The following EBF1 variants were observed in gnomAD, a reference collection of about 807,000 sequenced individuals.
EBF1 encodes the protein transcription factor COE1.
Under a neutral mutation model 68.4 loss-of-function variants are expected in EBF1, and 10 were observed. The observed-to-expected ratio is 0.15, with a 90% CI of 0.09 to 0.25. EBF1 has a LOEUF of 0.25. Ranked by LOEUF, EBF1 falls within the 10% of genes least tolerant of loss-of-function variation. The pLI is 1.00. For synonymous variants in EBF1, 298 were observed against 299.8 expected, an observed-to-expected ratio of 0.99 and a Z score of 0.06; for missense variants, 509 against 794.4, an observed-to-expected ratio of 0.64 and a Z score of 4.32.
At chr5:158,948,129 C>T (rs1306349884) in intron 6 of EBF1, among the ~76,000 whole-genome samples, 1 of 152,112 alleles carries the variant, frequency 6.6e-6, no homozygotes, top group Non-Finnish European at 1.5e-5. Context: ...TTTCCTGCAT[C>T]GGGGTGGAGG....
chr5:158,718,472 T>C (rs1170667290), intron 11 of EBF1, among the ~76,000 whole-genome samples: 2 of 152,164 alleles, frequency 1.3e-5, no homozygotes, highest in Non-Finnish European at 2.9e-5. Flanking sequence ...CTCTCCATCC[T>C]CTGAAGCCTC....
At chr5:158,956,228 G>C (rs1215412359) in intron 6 of EBF1, among the ~76,000 whole-genome samples, 1 of 152,064 alleles carries the variant, frequency 6.6e-6, no homozygotes, top group Non-Finnish European at 1.5e-5. Context: ...GTGTGTCACA[G>C]GCTTTTCAGA....
chr5:158,805,472 C>A (rs1261503618), intron 8 of EBF1, among the ~76,000 whole-genome samples: 2 of 152,088 alleles, frequency 1.3e-5, no homozygotes, highest in Non-Finnish European at 2.9e-5. Context: ...GAATTTTTAG[C>A]CTCCTTATGT....
chr5:158,958,852 T>C (rs1366279859), intron 6 of EBF1, among the ~76,000 whole-genome samples: 1 of 152,078 alleles, frequency 6.6e-6, no homozygotes, highest in Non-Finnish European at 1.5e-5. Flanking sequence ...GCCGTGCATA[T>C]TTTAAACCAT....
intron 11 of EBF1, among the ~76,000 whole-genome samples, chr5:158,717,414 A>G (rs1026305749): frequency 1.3e-5 from 2 of 152,196 alleles, no homozygotes; most frequent in Non-Finnish European, 2.9e-5. Flanking sequence ...GGCATTAGGC[A>G]GGAGCACAGT....
chr5:158,947,390 A>T (rs1357505448), intron 6 of EBF1, among the ~76,000 whole-genome samples: 1 of 152,228 alleles, frequency 6.6e-6, no homozygotes, highest in Non-Finnish European at 1.5e-5. Flanking sequence ...TATCTGGGCC[A>T]GATAGCACCA....
At chr5:158,869,067 T>C (rs921208116) in intron 6 of EBF1, among the ~76,000 whole-genome samples, 32 of 152,144 alleles carry the variant, frequency 2.1e-4, no homozygotes, top group African/African-American at 7.5e-4. Context: ...TTTTCTGCAG[T>C]GTGTCACAGG....
In EBF1 at chr5:158,770,540, C is replaced by T. The variant is rs565551885; in HGVS notation, c.1036+6873G>A. On this transcript the variant is annotated intron_variant, in intron 10 of 15. Coordinates refer to ENST00000313708, the MANE Select transcript of EBF1 (RefSeq NM_024007.5). ...CCCATGGCTTATAAAGTTTTGCATA[C>T]CCTTGTCCCTGACTACTTCTCGCAG... 1.2e-4 allele frequency among the ~76,000 whole-genome samples: 18 copies of T among 152,232 alleles called. No homozygotes were observed. The South Asian group carries it at 3.5e-3, about 30-fold the overall frequency.
intron 6 of EBF1, among the ~76,000 whole-genome samples, chr5:158,955,874 C>T (rs1166874529): frequency 6.6e-6 from 1 of 152,152 alleles, no homozygotes; most frequent in Non-Finnish European, 1.5e-5. Flanking sequence ...GGAAGAGTAG[C>T]AAAGAGTTGC....
rs574490433 is a variant in EBF1 at position 158,768,668 on chromosome 5, A to T, written c.1036+8745T>A. Among the ~76,000 whole-genome samples, 6 of 152,290 alleles carry T rather than the reference A, an allele frequency of 3.9e-5. No individual in the cohort carries two copies. The East Asian group carries it at 1.2e-3, about 29-fold the overall frequency. Reference sequence around the variant, plus strand: ...CTCTTCGTTAACTTTAACAATGAACAGGACTGGCATCCACATCACTGCAAA... The same window carrying T: ...CTCTTCGTTAACTTTAACAATGAACTGGACTGGCATCCACATCACTGCAAA... On this transcript the variant is annotated intron_variant, in intron 10 of 15. Coordinates refer to ENST00000313708, the MANE Select transcript of EBF1 (RefSeq NM_024007.5).
rs1167182855 is a variant in EBF1 at position 158,722,183 on chromosome 5, TAAAG to T, written c.1126-8005_1126-8002del. 4.6e-5 allele frequency among the ~76,000 whole-genome samples: 7 copies of T among 152,262 alleles called. No individual in the cohort carries two copies. In the East Asian group the frequency reaches 1.4e-3, roughly 29 times the overall value. Reference sequence around the variant, plus strand: ...TCTGATCAGGATAAAAGTCTCTGCTTAAAGAGAAAGCTCTGGACAGAGATGCCTT... The same window carrying T: ...TCTGATCAGGATAAAAGTCTCTGCTTAGAAAGCTCTGGACAGAGATGCCTT... On this transcript the variant is annotated intron_variant, in intron 11 of 15. Transcript: ENST00000313708.
At chr5:158,729,189 A>T (rs1333725168) in intron 11 of EBF1, among the ~76,000 whole-genome samples, 1 of 152,202 alleles carries the variant, frequency 6.6e-6, no homozygotes, top group African/African-American at 2.4e-5. Context: ...AGCACCATCC[A>T]CATTTAGTGG....
At chr5:159,015,546 G>C (rs1765466996) in intron 6 of EBF1, among the ~76,000 whole-genome samples, 1 of 152,204 alleles carries the variant, frequency 6.6e-6, no homozygotes, top group South Asian at 2.1e-4. Flanking sequence ...GGGCCGGGCT[G>C]TTCTCTTCAG....
At chr5:158,781,969 C>T (rs1034828455) in intron 9 of EBF1, among the ~76,000 whole-genome samples, 28 of 152,284 alleles carry the variant, frequency 1.8e-4, no homozygotes, top group Admixed American at 9.8e-4. Flanking sequence ...ATTTAGGGTT[C>T]GCCAAGGCCT....
chr5:158,974,833 A>C (rs973846260), intron 6 of EBF1, among the ~76,000 whole-genome samples: 8 of 152,198 alleles, frequency 5.3e-5, no homozygotes, highest in African/African-American at 1.9e-4. Flanking sequence ...AAAAGCTAAA[A>C]ACGTTGCTGG....
At chr5:158,729,516 G>A (rs140322238) in intron 11 of EBF1, among the ~76,000 whole-genome samples, 73 of 152,254 alleles carry the variant, frequency 4.8e-4, no homozygotes, top group African/African-American at 1.7e-3. Context: ...TTGTCCCATA[G>A]GAAATGCACG....
intron 10 of EBF1, among the ~76,000 whole-genome samples, chr5:158,743,452 T>G (rs2127575529): frequency 6.6e-6 from 1 of 152,212 alleles, no homozygotes; most frequent in Middle Eastern, 3.4e-3. Context: ...TAAGAGCAGG[T>G]AGAGAGCAAG....
chr5:158,896,744 T>C (rs909526323), intron 6 of EBF1, among the ~76,000 whole-genome samples: 1 of 152,214 alleles, frequency 6.6e-6, no homozygotes, highest in Admixed American at 6.5e-5. Flanking sequence ...ATTAAAATTG[T>C]CTCTGTAGGC....
At chr5:158,890,046 A>C (rs1226834592) in intron 6 of EBF1, among the ~76,000 whole-genome samples, 1 of 152,170 alleles carries the variant, frequency 6.6e-6, no homozygotes, top group African/African-American at 2.4e-5. Flanking sequence ...TTGTTATCCA[A>C]GGGGGCATGC....
Sources: allele counts gnomAD v4.1 joint callset (sites outside exome capture counted in the v4.1 genomes callset), GRCh38; gene constraint gnomAD v4.1.1; transcripts MANE v1.5; gene names NCBI Gene and HGNC (gene_info 2026-07-23, HGNC 2026-07-21).